CLIC5: variants seen among roughly 807,000 people sequenced by gnomAD.
CLIC5 encodes CLIC family member 5, also known as chloride intracellular channel protein 5.
In CLIC5, 20 loss-of-function variants were observed where a neutral mutation model predicts 24.7. The ratio of observed to expected loss-of-function variants is 0.81; its 90% CI spans 0.57 to 1.18. CLIC5 has a LOEUF of 1.18. Ranked by LOEUF, CLIC5 falls within the 50% of genes most tolerant of loss-of-function variation. The pLI is 0.00. For synonymous variants in CLIC5, 159 were observed against 135.6 expected (o/e 1.17, Z -1.20); for missense variants, 341 against 326.1 (o/e 1.05, Z -0.35).
intron 1 of CLIC5, among the ~76,000 whole-genome samples, chr6:45,964,120 C>T (rs1764940778): frequency 6.6e-6 from 1 of 152,224 alleles, no homozygotes; most frequent in Non-Finnish European, 1.5e-5. Flanking sequence ...AAAGTCCACA[C>T]TCTCTGCCTC....
chr6:45,892,953 TAGTCTCCAGTGGGC>T (rs1158857628), intron 6 of CLIC5, among the ~76,000 whole-genome samples: 1 of 152,194 alleles, frequency 6.6e-6, no homozygotes, highest in African/African-American at 2.4e-5. Context: ...CATTTTAAAA[TAGTCTCCAGTGGGC>T]AGTTTACATT....
At chr6:46,013,133 G>A (rs535388069) in intron 1 of CLIC5, among the ~76,000 whole-genome samples, 8 of 152,264 alleles carry the variant, frequency 5.3e-5, no homozygotes, top group African/African-American at 1.9e-4. Context: ...TCCTTCCAAG[G>A]GGGTGTTGAA....
intron 1 of CLIC5, among the ~76,000 whole-genome samples, chr6:46,059,802 G>A (rs760916047): frequency 5.3e-5 from 8 of 151,600 alleles, no homozygotes; most frequent in Non-Finnish European, 1.0e-4. Flanking sequence ...CAGAGGGAGT[G>A]AGGAAGTGGA....
chr6:45,958,429 TATATATATATATATA>T (rs1764723831), intron 1 of CLIC5, among the ~76,000 whole-genome samples: 14 of 4,658 alleles, frequency 3.0e-3, no homozygotes, highest in African/African-American at 4.1e-3. Flanking sequence ...CAATTATATA[TATATATATATATATA>T]TATATATATA....
chr6:46,107,753 G>C, the CLIC5 span, among the ~76,000 whole-genome samples: 2 of 151,878 alleles, frequency 1.3e-5, no homozygotes, highest in Non-Finnish European at 2.9e-5. Flanking sequence ...AAACTTAATG[G>C]GGCTGGGTGC....
rs768962789 is a variant in CLIC5 at position 45,902,879 on chromosome 6, C to G, written c.*209G>C. ...CGGCCGAAAGGTGGACTGTGTCTATCATTTCTGCTAGATTCCTATGTGAGG... is the reference window on the plus strand; with the variant it reads ...CGGCCGAAAGGTGGACTGTGTCTATGATTTCTGCTAGATTCCTATGTGAGG... On this transcript the variant is annotated 3_prime_UTR_variant, in exon 6 of 6. Coordinates refer to ENST00000339561, the MANE Select transcript of CLIC5 (RefSeq NM_016929.5). The G allele has an allele frequency of 1.7e-6, 1 of 582,250 alleles. No homozygotes were observed. The allele number at this position is 582,250 out of a possible 1,614,324, so 36.1% of individuals were successfully genotyped here.
intron 1 of CLIC5, among the ~76,000 whole-genome samples, chr6:46,074,503 T>G (rs1182921476): frequency 6.6e-6 from 1 of 152,218 alleles, no homozygotes; most frequent in East Asian, 1.9e-4. Context: ...GTTGCCTGAC[T>G]TCAACAGGAC....
At chr6:45,931,753 G>A (rs1246804796) in intron 4 of CLIC5, among the ~76,000 whole-genome samples, 1 of 152,152 alleles carries the variant, frequency 6.6e-6, no homozygotes, top group East Asian at 1.9e-4. Flanking sequence ...CTGCCTCCCG[G>A]GTTTAAGTGG....
At chr6:45,938,357 A>G (rs1764012894) in intron 4 of CLIC5, among the ~76,000 whole-genome samples, 1 of 152,190 alleles carries the variant, frequency 6.6e-6, no homozygotes, top group Non-Finnish European at 1.5e-5. Context: ...AAGCCTAAGA[A>G]TTTTGGACCC....
the CLIC5 span, among the ~76,000 whole-genome samples, chr6:46,107,584 T>C: frequency 1.3e-5 from 2 of 152,212 alleles, no homozygotes; most frequent in Non-Finnish European, 2.9e-5. Context: ...CAGTTCTGTA[T>C]ACAAAGTACA....
At chr6:46,045,311 A>G (rs1255394404) in intron 1 of CLIC5, among the ~76,000 whole-genome samples, 1 of 152,212 alleles carries the variant, frequency 6.6e-6, no homozygotes. Flanking sequence ...CTGGTACAAC[A>G]TATTGAAATG....
At chr6:45,925,548 C>T in intron 4 of CLIC5, among the ~76,000 whole-genome samples, 1 of 152,190 alleles carries the variant, frequency 6.6e-6, no homozygotes, top group Non-Finnish European at 1.5e-5. Context: ...AACTCCTGAC[C>T]TCGTGATCCG....
intron 5 of CLIC5, 148 bp downstream of exon 5, chr6:45,914,080 C>A: frequency 1.8e-6 from 1 of 548,964 alleles, no homozygotes; most frequent in Non-Finnish European, 2.8e-6. Context: ...CAACAAGCAG[C>A]AGAGGGTGAC....
chr6:45,912,112 G>C, intron 5 of CLIC5: 1 of 986,196 alleles, frequency 1.0e-6, no homozygotes, highest in Non-Finnish European at 1.2e-6. Context: ...TCTTTCATAT[G>C]AAAACAGTTA....
chr6:46,043,882 T>C (rs922961712), intron 1 of CLIC5, among the ~76,000 whole-genome samples: 2 of 152,226 alleles, frequency 1.3e-5, no homozygotes, highest in Non-Finnish European at 2.9e-5. Context: ...ATCATTGCAT[T>C]CTTAAAAGGA....
chr6:46,087,475 C>T, the CLIC5 span, among the ~76,000 whole-genome samples: 2 of 152,098 alleles, frequency 1.3e-5, no homozygotes, highest in Admixed American at 6.5e-5. Context: ...TCTCCCTGCC[C>T]CTACTGCTCT....
chr6:45,930,652 C>G (rs1763699693), intron 4 of CLIC5, among the ~76,000 whole-genome samples: 1 of 152,192 alleles, frequency 6.6e-6, no homozygotes, highest in Non-Finnish European at 1.5e-5. Context: ...ACAGGGAAAG[C>G]TGGGCTGCCC....
At chr6:45,916,429 T>A (rs1469775848) in intron 4 of CLIC5, among the ~76,000 whole-genome samples, 1 of 152,232 alleles carries the variant, frequency 6.6e-6, no homozygotes, top group Non-Finnish European at 1.5e-5. Context: ...ATTTGTTTGC[T>A]TGCTCAATCC....
intron 1 of CLIC5, among the ~76,000 whole-genome samples, chr6:45,969,796 GTT>G (rs397779323): frequency 6.5e-4 from 68 of 105,274 alleles, no homozygotes; most frequent in African/African-American, 2.1e-3. Context: ...TCACATCAAG[GTT>G]TTTTTTTTTT....
Sources: gnomAD v4.1 joint callset for allele counts (sites outside exome capture counted in the v4.1 genomes callset) on GRCh38, gnomAD v4.1.1 for gene constraint, MANE v1.5 for transcripts, NCBI Gene and HGNC (gene_info 2026-07-23, HGNC 2026-07-21) for gene names.